Variants in MTMR8 observed in about 807,000 individuals in gnomAD.
MTMR8 encodes myotubularin related protein 8.
A neutral mutation model predicts 39.3 loss-of-function variants in MTMR8; 65 were observed. The observed-to-expected ratio is 1.65, with a 90% CI of 1.35 to 2.03. The LOEUF is 2.03. MTMR8 is among the 30% of genes most tolerant of loss of function. The pLI is 0.00. For missense variants in MTMR8, 777 were observed against 538.9 expected (o/e 1.44, Z -4.37); for synonymous variants, 245 against 185.2 (o/e 1.32, Z -2.62).
At chrX:64,305,262 G>T in intron 12 of MTMR8, 1 of 171,951 alleles carries the variant, frequency 5.8e-6, no homozygotes, top group Non-Finnish European at 1.1e-5. Flanking sequence ...GATTGGCTAT[G>T]GATTCTGCCT....
chrX:64,369,768 A>G (rs1872048595), intron 1 of MTMR8, among the ~76,000 whole-genome samples: 2 of 111,370 alleles, frequency 1.8e-5, no homozygotes, highest in South Asian at 7.6e-4. Context: ...TATAATTTTA[A>G]AAAAAAATTA....
intron 8 of MTMR8, among the ~76,000 whole-genome samples, chrX:64,339,804 T>G: frequency 9.6e-6 from 1 of 104,278 alleles, no homozygotes; most frequent in Admixed American, 1.0e-4. Flanking sequence ...AGCAAAGAAG[T>G]CGGTAAGGAT....
chrX:64,319,724 C>T (rs1172592451), intron 12 of MTMR8, among the ~76,000 whole-genome samples: 3 of 110,853 alleles, frequency 2.7e-5, no homozygotes, highest in African/African-American at 6.6e-5. Context: ...AGATATGTGG[C>T]ATTATTTCTG....
chrX:64,324,814 CAAAAAAA>C (rs758476355), intron 12 of MTMR8, among the ~76,000 whole-genome samples: 9,546 of 28,993 alleles, frequency 0.33, 568 homozygotes, highest in Middle Eastern at 0.45. Flanking sequence ...TGTTGCTCAC[CAAAAAAA>C]AAAAAAAAAA....
At chrX:64,272,328 G>C (rs1402884131) in intron 12 of MTMR8, among the ~76,000 whole-genome samples, 2 of 111,438 alleles carry the variant, frequency 1.8e-5, no homozygotes, top group African/African-American at 3.3e-5. Flanking sequence ...TTTCAACAAA[G>C]AGACAGAAAA....
intron 12 of MTMR8, among the ~76,000 whole-genome samples, chrX:64,293,087 A>AGATGACCTG (rs1334084289): frequency 9.0e-6 from 1 of 111,405 alleles, no homozygotes; most frequent in African/African-American, 3.3e-5. Context: ...ATCAGGCAAC[A>AGATGACCTG]GATGACCTGC....
chrX:64,395,376 C>T lies in MTMR8; in HGVS notation c.-13G>A. On this transcript the variant is annotated 5_prime_UTR_variant, in exon 1 of 14. Transcript: ENST00000374852. ...TAATATGATCCATGACTGCAGTTCC[C>T]GCCACCGGAAGATCTCAGTGCTACT... is the stretch of plus-strand genomic sequence containing the variant. 7.4e-6 allele frequency: 9 copies of T among 1,208,978 alleles called. No homozygotes were observed. The highest frequency in any genetic ancestry group is 1.0e-5 in the Non-Finnish European group (9 of 894,248).
rs925673511 is a variant in MTMR8 at position 64,292,297 on chromosome X, T to A, written c.1482-21224A>T. The stretch of plus-strand genomic sequence containing the variant: ...GGAAGTATGTTGAGCTCTCCATCTT[T>A]TGGCTGAGCCGACTAAAGCATTATT... On this transcript the variant is annotated intron_variant, in intron 12 of 13. Transcript: ENST00000374852. Among the ~76,000 whole-genome samples the A allele has an allele frequency of 2.7e-5, 3 of 111,813 alleles. No homozygotes were observed. The Admixed American group carries it at 2.9e-4, about 11-fold the overall frequency.
intron 1 of MTMR8, among the ~76,000 whole-genome samples, chrX:64,392,652 T>C (rs1569235422): frequency 9.0e-6 from 1 of 111,064 alleles, no homozygotes; most frequent in African/African-American, 3.3e-5. Context: ...GTGTGTCCAG[T>C]TTTTAAGTTT....
intron 12 of MTMR8, 66 bp from the exon 13 acceptor site, chrX:64,271,139 T>C: frequency 9.4e-7 from 1 of 1,060,614 alleles, no homozygotes; most frequent in Non-Finnish European, 1.2e-6. Context: ...TACCAATGTT[T>C]TCCTTGTGCC....
chrX:64,381,357 G>A (rs1184351451), intron 1 of MTMR8, among the ~76,000 whole-genome samples: 1 of 111,501 alleles, frequency 9.0e-6, no homozygotes, highest in African/African-American at 3.3e-5. Context: ...CAGTGATGAT[G>A]AGCATTTTTT....
intron 12 of MTMR8, among the ~76,000 whole-genome samples, chrX:64,279,195 C>T (rs893560006): frequency 8.9e-6 from 1 of 111,944 alleles, no homozygotes; most frequent in African/African-American, 3.2e-5. Flanking sequence ...TAACACTTCT[C>T]AAATTATTTC....
intron 12 of MTMR8, among the ~76,000 whole-genome samples, chrX:64,290,337 G>A (rs1253394293): frequency 9.0e-6 from 1 of 110,743 alleles, no homozygotes; most frequent in East Asian, 2.8e-4. Context: ...ATCACCTTAT[G>A]AACCAGAGGA....
At chrX:64,316,841 T>A (rs1208107016) in intron 12 of MTMR8, among the ~76,000 whole-genome samples, 1 of 110,644 alleles carries the variant, frequency 9.0e-6, no homozygotes, top group Non-Finnish European at 1.9e-5. Flanking sequence ...CCAGGTGCAG[T>A]GGCTCACGGC....
At chrX:64,378,002 C>T (rs1392876120) in intron 1 of MTMR8, among the ~76,000 whole-genome samples, 1 of 111,647 alleles carries the variant, frequency 9.0e-6, no homozygotes, top group Non-Finnish European at 1.9e-5. Context: ...TCTTACTCTG[C>T]CATGTGAAGA....
chrX:64,394,102 T>C (rs1924762247), intron 1 of MTMR8, among the ~76,000 whole-genome samples: 1 of 111,673 alleles, frequency 9.0e-6, no homozygotes, highest in African/African-American at 3.3e-5. Flanking sequence ...AGTCACATCT[T>C]ACATGCATGG....
chrX:64,285,401 C>A (rs1386957653), intron 12 of MTMR8, among the ~76,000 whole-genome samples: 2 of 110,911 alleles, frequency 1.8e-5, no homozygotes, highest in Non-Finnish European at 3.8e-5. Context: ...ACTGTCAACA[C>A]TAGACAGATC....
intron 12 of MTMR8, among the ~76,000 whole-genome samples, chrX:64,284,827 C>A (rs1273837247): frequency 8.9e-6 from 1 of 111,867 alleles, no homozygotes; most frequent in Non-Finnish European, 1.9e-5. Context: ...GAAGGAAGCA[C>A]TAAACATGGA....
At chrX:64,364,509 C>T (rs756508098) in intron 1 of MTMR8, among the ~76,000 whole-genome samples, 1 of 112,027 alleles carries the variant, frequency 8.9e-6, no homozygotes, top group Non-Finnish European at 1.9e-5. Flanking sequence ...AACAGACCTG[C>T]AGCTGAGGGA....
Sources: allele counts gnomAD v4.1 joint callset (sites outside exome capture counted in the v4.1 genomes callset), GRCh38; gene constraint gnomAD v4.1.1; transcripts MANE v1.5; gene names NCBI Gene and HGNC (gene_info 2026-07-23, HGNC 2026-07-21).